PHLDB2: variants seen among roughly 807,000 people sequenced by gnomAD.
PHLDB2 encodes pleckstrin homology-like domain family B member 2.
A neutral mutation model predicts 123.6 loss-of-function variants in PHLDB2; 71 were observed. The observed-to-expected ratio is 0.57, with a 90% CI of 0.47 to 0.70. The LOEUF is 0.70. Ranked by LOEUF, PHLDB2 falls within the 30% of genes least tolerant of loss-of-function variation. The pLI, the probability that PHLDB2 is intolerant of heterozygous loss-of-function variation, is 0.00. For synonymous variants in PHLDB2, 547 were observed against 541.6 expected, an observed-to-expected ratio of 1.01 and a Z score of -0.14; for missense variants, 1,446 against 1,519.5, an observed-to-expected ratio of 0.95 and a Z score of 0.80.
intron 1 of PHLDB2, among the ~76,000 whole-genome samples, chr3:111,780,306 AGAG>A (rs796283963): frequency 2.6e-3 from 7 of 2,660 alleles, no homozygotes; most frequent in East Asian, 0.2. Flanking sequence ...AGGAAGAGGA[AGAG>A]GAAGAGGAAG....
At chr3:111,945,419 T>C (rs1236095240) in intron 9 of PHLDB2, 62 bp downstream of exon 9, 2 of 1,221,272 alleles carry the variant, frequency 1.6e-6, no homozygotes, top group African/African-American at 3.0e-5. Context: ...GTATTTCAGC[T>C]TTATTTGATT....
In PHLDB2 at chr3:111,962,055, A is replaced by G. The variant is rs574371557; in HGVS notation, c.2873-53A>G. 1.3e-4 allele frequency: 205 copies of G among 1,524,358 alleles called. 1 individual carries two copies. The African/African-American group carries it at 2.6e-3, about 19-fold the overall frequency. The allele number at this position is 1,524,358 out of a possible 1,614,324, so 94.4% of individuals were successfully genotyped here. Reference sequence around the variant, plus strand: ...TGGCTTGTGTCTGTAGATGTTTAAGATTCAAAGACTGAAAAATGAGGCAAA... The same window carrying G: ...TGGCTTGTGTCTGTAGATGTTTAAGGTTCAAAGACTGAAAAATGAGGCAAA... On this transcript the variant is annotated intron_variant, in intron 12 of 17. Transcript: ENST00000431670.
chr3:111,928,182 A>T (rs1305779338), intron 5 of PHLDB2, among the ~76,000 whole-genome samples: 1 of 152,230 alleles, frequency 6.6e-6, no homozygotes, highest in Non-Finnish European at 1.5e-5. Flanking sequence ...TACTTGAGAC[A>T]TTTAATTTAA....
intron 1 of PHLDB2, among the ~76,000 whole-genome samples, chr3:111,765,949 G>A (rs76688424): frequency 0.053 from 8,109 of 152,112 alleles, 292 homozygotes; most frequent in Non-Finnish European, 0.076. Context: ...GAAATCTGAA[G>A]TCAAAACACC....
chr3:111,735,729 C>A (rs1576477495), intron 1 of PHLDB2, among the ~76,000 whole-genome samples: 1 of 152,158 alleles, frequency 6.6e-6, no homozygotes, highest in East Asian at 1.9e-4. Context: ...AGACTCATCA[C>A]AACATTTCAC....
chr3:111,740,289 A>G (rs2059580992), intron 1 of PHLDB2, among the ~76,000 whole-genome samples: 1 of 152,128 alleles, frequency 6.6e-6, no homozygotes, highest in Non-Finnish European at 1.5e-5. Context: ...GACATCAATG[A>G]TCTTATGTCT....
intron 2 of PHLDB2, among the ~76,000 whole-genome samples, chr3:111,890,756 TTAA>T (rs2066434046): frequency 6.6e-6 from 1 of 152,192 alleles, no homozygotes; most frequent in African/African-American, 2.4e-5. Flanking sequence ...CAAGGGCCTA[TTAA>T]TGAGGTAAAT....
At chr3:111,879,001 G>C (rs1378756843) in intron 1 of PHLDB2, among the ~76,000 whole-genome samples, 1 of 152,118 alleles carries the variant, frequency 6.6e-6, no homozygotes, top group Non-Finnish European at 1.5e-5. Flanking sequence ...AGGGATATTG[G>C]CCTGAAATTT....
At chr3:111,901,439 T>G (rs2067198458) in intron 2 of PHLDB2, among the ~76,000 whole-genome samples, 1 of 152,162 alleles carries the variant, frequency 6.6e-6, no homozygotes, top group African/African-American at 2.4e-5. Context: ...CTTTCAGTTG[T>G]TATGTTATAG....
At chr3:111,815,612 T>A (rs1200608995) in intron 1 of PHLDB2, among the ~76,000 whole-genome samples, 1 of 152,142 alleles carries the variant, frequency 6.6e-6, no homozygotes, top group African/African-American at 2.4e-5. Context: ...CCGAAGAAAT[T>A]TCTAAGCAGC....
chr3:111,816,205 C>T (rs1471567538), intron 1 of PHLDB2, among the ~76,000 whole-genome samples: 3 of 152,176 alleles, frequency 2.0e-5, no homozygotes, highest in Non-Finnish European at 4.4e-5. Context: ...GGGGTCAGAG[C>T]CCCTACACAG....
intron 11 of PHLDB2, 92 bp from the exon 12 acceptor site, chr3:111,953,838 A>T: frequency 2.1e-6 from 2 of 963,690 alleles, no homozygotes; most frequent in Non-Finnish European, 1.6e-6. Context: ...CTGTACACTT[A>T]GATAGGAGCT....
chr3:111,738,022 C>G (rs868163425), intron 1 of PHLDB2, among the ~76,000 whole-genome samples: 2 of 152,152 alleles, frequency 1.3e-5, no homozygotes, highest in Non-Finnish European at 2.9e-5. Context: ...GCAGGCTTCT[C>G]TCTGTGACCC....
chr3:111,913,264 G>C, intron 2 of PHLDB2, 55 bp from the exon 3 acceptor site: 1 of 1,512,602 alleles, frequency 6.6e-7, no homozygotes, highest in Non-Finnish European at 8.9e-7. Context: ...TTTTTATTTG[G>C]AGTAGTATTC....
intron 2 of PHLDB2, chr3:111,911,776 CTT>C: frequency 6.8e-7 from 1 of 1,468,148 alleles, no homozygotes; most frequent in Non-Finnish European, 9.2e-7. Flanking sequence ...AGCTATTGCT[CTT>C]TTGTTTTTTT....
At chr3:111,966,527 GGT>G (rs3217516) in intron 13 of PHLDB2, 84 bp from the exon 14 acceptor site, 196,805 of 605,758 alleles carry the variant, frequency 0.32, 21,843 homozygotes, top group East Asian at 0.52. Context: ...GTGTGTCTGG[GGT>G]GTGTGTGTGT....
intron 1 of PHLDB2, among the ~76,000 whole-genome samples, chr3:111,783,872 G>T (rs565767351): frequency 2.6e-5 from 4 of 152,096 alleles, no homozygotes; most frequent in African/African-American, 9.7e-5. Flanking sequence ...TTACAGTAAG[G>T]CTCTTGACAA....
Position 111,832,536 on chromosome 3 carries a change from G to A in PHLDB2, c.-48-13285G>A, listed in dbSNP as rs997027332. Among the ~76,000 whole-genome samples, 8 of 148,120 alleles carry A rather than the reference G, an allele frequency of 5.4e-5. No homozygotes were observed. The South Asian group carries it at 8.4e-4, about 16-fold the overall frequency. ...TTTTCCGACACTTAGGCTTTTTCCCGCTGTTAACAAAAATCATATGGCATT... is the reference window on the plus strand; with the variant it reads ...TTTTCCGACACTTAGGCTTTTTCCCACTGTTAACAAAAATCATATGGCATT... On this transcript the variant is annotated intron_variant, in intron 1 of 17. Coordinates refer to the PHLDB2 transcript ENST00000393923.
chr3:111,781,277 G>T (rs1223637909), intron 1 of PHLDB2, among the ~76,000 whole-genome samples: 2 of 151,948 alleles, frequency 1.3e-5, no homozygotes, highest in Non-Finnish European at 2.9e-5. Context: ...CTCTCCACCT[G>T]CTTTCCTTAT....
Sources: allele counts gnomAD v4.1 joint callset (sites outside exome capture counted in the v4.1 genomes callset), GRCh38; gene constraint gnomAD v4.1.1; transcripts MANE v1.5; gene names NCBI Gene and HGNC (gene_info 2026-07-23, HGNC 2026-07-21).